ZNF521: variants seen among roughly 807,000 people sequenced by gnomAD.
ZNF521 encodes zinc finger protein 521, also known as LYST-interacting protein 3.
In ZNF521, 14 loss-of-function variants were observed where a neutral mutation model predicts 105.5. That is an observed-to-expected ratio of 0.13 (90% CI 0.09 to 0.21). ZNF521 has a LOEUF of 0.21. Ranked by LOEUF, ZNF521 falls within the 10% of genes least tolerant of loss-of-function variation. The pLI, the probability that ZNF521 is intolerant of heterozygous loss-of-function variation, is 1.00. For synonymous variants in ZNF521, 635 were observed against 606.0 expected, an observed-to-expected ratio of 1.05 and a Z score of -0.70; for missense variants, 1,233 against 1,629.7, an observed-to-expected ratio of 0.76 and a Z score of 4.19.
At chr18:25,216,981 G>C (rs1169527971) in intron 4 of ZNF521, among the ~76,000 whole-genome samples, 1 of 152,200 alleles carries the variant, frequency 6.6e-6, no homozygotes, top group Non-Finnish European at 1.5e-5. Flanking sequence ...TGTTTGGGAA[G>C]AGCAGCTCAG....
chr18:25,175,925 G>A lies in ZNF521; in HGVS notation c.3658+19235C>T, dbSNP rs564199087. 2.8e-4 allele frequency among the ~76,000 whole-genome samples: 42 copies of A among 152,256 alleles called. 1 individual carries two copies. The South Asian group carries it at 8.7e-3, about 32-fold the overall frequency. On this transcript the variant is annotated intron_variant, in intron 5 of 7. Transcript: ENST00000361524. The stretch of plus-strand genomic sequence containing the variant: ...AAATTATGAATTGTTTATAAATCAG[G>A]CTCTATGACTTACACATTTATGATA...
intron 5 of ZNF521, among the ~76,000 whole-genome samples, chr18:25,142,088 T>A (rs1332741597): frequency 6.6e-6 from 1 of 152,074 alleles, no homozygotes; most frequent in African/African-American, 2.4e-5. Flanking sequence ...TCCTCCCCCA[T>A]CACACCAAAA....
At chr18:25,099,138 C>T (rs113545602) in intron 5 of ZNF521, among the ~76,000 whole-genome samples, 9 of 152,212 alleles carry the variant, frequency 5.9e-5, no homozygotes, top group African/African-American at 2.2e-4. Context: ...TTGATGTACA[C>T]GAAGTACCTA....
At chr18:25,297,504 A>G (rs67608733) in intron 3 of ZNF521, among the ~76,000 whole-genome samples, 9,404 of 152,240 alleles carry the variant, frequency 0.062, 427 homozygotes, top group Non-Finnish European at 0.085. Flanking sequence ...TTTTTTGACT[A>G]TAACAGAATT....
chr18:25,296,444 C>T (rs1231142316), intron 3 of ZNF521, among the ~76,000 whole-genome samples: 1 of 152,122 alleles, frequency 6.6e-6, no homozygotes, highest in Non-Finnish European at 1.5e-5. Flanking sequence ...GATTTGGGAT[C>T]TGAGATTGTT....
At chr18:25,126,367 T>A (rs1200544782) in intron 5 of ZNF521, among the ~76,000 whole-genome samples, 1 of 87,594 alleles carries the variant, frequency 1.1e-5, no homozygotes, top group African/African-American at 2.8e-5. Flanking sequence ...TGAAGCAATA[T>A]CTACTCTGTG....
At position 25,260,132 on chromosome 18, in the gene ZNF521, C is replaced by G. The variant is rs546334923; in HGVS notation, c.221-32435G>C. Among the ~76,000 whole-genome samples the G allele has an allele frequency of 7.2e-5, 11 of 152,290 alleles. No homozygotes were observed. The South Asian group carries it at 1.9e-3, about 26-fold the overall frequency. On this transcript the variant is annotated intron_variant, in intron 3 of 7. Transcript: ENST00000361524. ...ATGAACTGATTTGGTTCCAAGACAA[C>G]ATAATAGTAAATGCCAAGGTCTTCT...
At chr18:25,286,065 A>G (rs895266009) in intron 3 of ZNF521, among the ~76,000 whole-genome samples, 2 of 152,220 alleles carry the variant, frequency 1.3e-5, no homozygotes, top group Non-Finnish European at 2.9e-5. Flanking sequence ...AATTGGGATA[A>G]TAATGTATTC....
At chr18:25,260,987 C>G (rs1475214938) in intron 3 of ZNF521, among the ~76,000 whole-genome samples, 1 of 152,152 alleles carries the variant, frequency 6.6e-6, no homozygotes, top group East Asian at 1.9e-4. Flanking sequence ...ACCTTTTCTT[C>G]AGGATACTTC....
At chr18:25,174,328 G>A (rs969258715) in intron 5 of ZNF521, among the ~76,000 whole-genome samples, 1 of 152,076 alleles carries the variant, frequency 6.6e-6, no homozygotes, top group Non-Finnish European at 1.5e-5. Flanking sequence ...CCCTGGTCAG[G>A]TGGTGATGGT....
At chr18:25,335,493 C>T (rs1913823580) in intron 2 of ZNF521, among the ~76,000 whole-genome samples, 1 of 152,304 alleles carries the variant, frequency 6.6e-6, no homozygotes, top group African/African-American at 2.4e-5. Context: ...AGCACCCGCA[C>T]CCAATACCCT....
Position 25,106,298 on chromosome 18 carries a change from T to C in ZNF521, c.3659-14217A>G, listed in dbSNP as rs2034071730. 2.6e-5 allele frequency among the ~76,000 whole-genome samples: 4 copies of C among 152,126 alleles called. No homozygotes were observed. The South Asian group carries it at 8.3e-4, about 32-fold the overall frequency. ...AGAGTTTCACATATACTGCTAAATATCACTTACTGAGTTGATTTGGAAAAT... is the reference window on the plus strand; with the variant it reads ...AGAGTTTCACATATACTGCTAAATACCACTTACTGAGTTGATTTGGAAAAT... On this transcript the variant is annotated intron_variant, in intron 5 of 7. Transcript: ENST00000361524.
At chr18:25,242,756 A>G (rs923798930) in intron 3 of ZNF521, among the ~76,000 whole-genome samples, 1 of 152,202 alleles carries the variant, frequency 6.6e-6, no homozygotes, top group Admixed American at 6.5e-5. Flanking sequence ...CAAAGGACAT[A>G]CCAAAATGGA....
At chr18:25,121,303 C>G (rs369667107) in intron 5 of ZNF521, among the ~76,000 whole-genome samples, 16 of 143,212 alleles carry the variant, frequency 1.1e-4, no homozygotes, top group African/African-American at 3.9e-4. Context: ...GACAAAGTCT[C>G]GCTCTGTTGC....
intron 5 of ZNF521, among the ~76,000 whole-genome samples, chr18:25,139,633 C>T (rs757671121): frequency 5.9e-5 from 9 of 152,048 alleles, no homozygotes; most frequent in Non-Finnish European, 1.3e-4. Flanking sequence ...CCCATTATTA[C>T]ACACAGAGAG....
At chr18:25,139,878 G>A (rs1380537224) in intron 5 of ZNF521, among the ~76,000 whole-genome samples, 1 of 152,006 alleles carries the variant, frequency 6.6e-6, no homozygotes, top group African/African-American at 2.4e-5. Flanking sequence ...CTCACAAATG[G>A]GATTAATGCC....
At chr18:25,350,392 G>T (rs1226360168) in intron 2 of ZNF521, among the ~76,000 whole-genome samples, 2 of 151,988 alleles carry the variant, frequency 1.3e-5, no homozygotes, top group Non-Finnish European at 2.9e-5. Flanking sequence ...GGACGCGGGC[G>T]GGCGGGAGGC....
chr18:25,126,710 A>C (rs1393334659), intron 5 of ZNF521, among the ~76,000 whole-genome samples: 1 of 152,128 alleles, frequency 6.6e-6, no homozygotes, highest in Non-Finnish European at 1.5e-5. Flanking sequence ...AAGCACAATA[A>C]GATAAATCTT....
chr18:25,331,172 CT>C (rs1913545836), intron 2 of ZNF521, among the ~76,000 whole-genome samples: 1 of 152,182 alleles, frequency 6.6e-6, no homozygotes, highest in African/African-American at 2.4e-5. Flanking sequence ...ACAAAACCAG[CT>C]TCTGTAGTTC....
Sources: gnomAD v4.1 joint callset for allele counts (sites outside exome capture counted in the v4.1 genomes callset) on GRCh38, gnomAD v4.1.1 for gene constraint, MANE v1.5 for transcripts, NCBI Gene and HGNC (gene_info 2026-07-23, HGNC 2026-07-21) for gene names.